PPM1E: variants seen among roughly 807,000 people sequenced by gnomAD.
PPM1E encodes the protein protein phosphatase 1E.
PPM1E carries 20 observed loss-of-function variants against 65.9 expected under a neutral mutation model. The observed-to-expected ratio is 0.30, with a 90% CI of 0.21 to 0.44. The LOEUF is 0.44. PPM1E is among the 20% of genes least tolerant of loss of function. The probability of loss-of-function intolerance (pLI) is 1.00; values close to 1 mark genes in which losing one functional copy is unlikely to be tolerated. For missense variants in PPM1E, 713 were observed against 953.1 expected (o/e 0.75, Z 3.32); for synonymous variants, 352 against 374.9 (o/e 0.94, Z 0.70).
intron 1 of PPM1E, among the ~76,000 whole-genome samples, chr17:58,942,689 G>A (rs1441402713): frequency 6.6e-6 from 1 of 152,064 alleles, no homozygotes; most frequent in East Asian, 1.9e-4. Context: ...GTGGGGGTAG[G>A]GGGAGGGATA....
At chr17:58,838,421 C>T (rs2050684564) in intron 1 of PPM1E, among the ~76,000 whole-genome samples, 1 of 152,120 alleles carries the variant, frequency 6.6e-6, no homozygotes, top group Admixed American at 6.5e-5. Flanking sequence ...CAAATAAACA[C>T]TAAAAAGACG....
At chr17:58,848,576 T>G (rs894095063) in intron 1 of PPM1E, among the ~76,000 whole-genome samples, 2 of 152,218 alleles carry the variant, frequency 1.3e-5, no homozygotes, top group African/African-American at 4.8e-5. Flanking sequence ...GGATTATGTT[T>G]ATTGATTTGC....
At chr17:58,759,817 A>G (rs1459980910) in intron 1 of PPM1E, among the ~76,000 whole-genome samples, 1 of 152,238 alleles carries the variant, frequency 6.6e-6, no homozygotes, top group Non-Finnish European at 1.5e-5. Flanking sequence ...AGACACTAAT[A>G]ATTCAGTTAC....
At chr17:58,824,010 G>T (rs913161900) in intron 1 of PPM1E, among the ~76,000 whole-genome samples, 1 of 152,150 alleles carries the variant, frequency 6.6e-6, no homozygotes, top group African/African-American at 2.4e-5. Flanking sequence ...AATTACAGGT[G>T]TGAGGCACCG....
intron 1 of PPM1E, among the ~76,000 whole-genome samples, chr17:58,793,128 G>C (rs1056229017): frequency 1.3e-5 from 2 of 151,746 alleles, no homozygotes; most frequent in African/African-American, 4.8e-5. Flanking sequence ...TATTCCATTT[G>C]AACTTGACTC....
At chr17:58,808,723 G>A (rs2050337998) in intron 1 of PPM1E, among the ~76,000 whole-genome samples, 1 of 152,068 alleles carries the variant, frequency 6.6e-6, no homozygotes, top group East Asian at 1.9e-4. Flanking sequence ...GTTGTGCAAT[G>A]ATCACTACAA....
chr17:58,927,122 C>CTT (rs533990179), intron 1 of PPM1E, among the ~76,000 whole-genome samples: 282 of 124,602 alleles, frequency 2.3e-3, no homozygotes, highest in Non-Finnish European at 2.7e-3. Context: ...GACTTTTAAA[C>CTT]TTTTTTTTTT....
intron 1 of PPM1E, among the ~76,000 whole-genome samples, chr17:58,885,125 C>T (rs780435516): frequency 6.6e-6 from 1 of 152,082 alleles, no homozygotes; most frequent in African/African-American, 2.4e-5. Context: ...GGCGTGATCT[C>T]GGCTCACTGC....
rs974116832 is a variant in PPM1E, at chr17:58,956,438, AAAAAAACAAAAAAC to A, written c.583+685_583+698del. On this transcript the variant is annotated intron_variant, in intron 2 of 6. Coordinates refer to ENST00000308249, the MANE Select transcript of PPM1E (RefSeq NM_014906.5). ...GAGAAAGAGTGAAACTCTGTCTCAAAAAAAAACAAAAAACAAAAAACAAAAAAAAAAACCTTAAC... is the reference window on the plus strand; with the variant it reads ...GAGAAAGAGTGAAACTCTGTCTCAAAAAAAAACAAAAAAAAAAACCTTAAC... 1.0e-3 allele frequency among the ~76,000 whole-genome samples: 132 copies of A among 128,188 alleles called. 1 individual carries two copies. The highest frequency in any genetic ancestry group is 3.6e-3 in the African/African-American group (129 of 35,422). The allele number at this position is 128,188 out of a possible 152,430, so 84.1% of individuals were successfully genotyped here.
intron 1 of PPM1E, among the ~76,000 whole-genome samples, chr17:58,842,560 T>G (rs1205610928): frequency 1.3e-5 from 2 of 152,246 alleles, no homozygotes; most frequent in African/African-American, 4.8e-5. Context: ...ATCCCAGCAC[T>G]TCGGGAGGCC....
intron 1 of PPM1E, among the ~76,000 whole-genome samples, chr17:58,869,529 C>T (rs942373274): frequency 5.9e-5 from 9 of 152,192 alleles, no homozygotes; most frequent in African/African-American, 2.2e-4. Flanking sequence ...GATCTCTGCA[C>T]ACCAGCTCCC....
In PPM1E at chr17:58,915,137, G is replaced by A. The variant is rs186247446; in HGVS notation, c.465-40512G>A. ...GGCAAGTCCACAGTGCAAAGAGAAA[G>A]CAAGTTTATTAAGAAAGTAAAGGAA... On this transcript the variant is annotated intron_variant, in intron 1 of 6. Coordinates refer to ENST00000308249, the MANE Select transcript of PPM1E (RefSeq NM_014906.5). 7.9e-5 allele frequency among the ~76,000 whole-genome samples: 12 copies of A among 152,310 alleles called. No homozygotes were observed. In the East Asian group the frequency reaches 2.3e-3, roughly 29 times the overall value.
chr17:58,852,804 G>A (rs796667804), intron 1 of PPM1E, among the ~76,000 whole-genome samples: 78 of 152,014 alleles, frequency 5.1e-4, no homozygotes, highest in Non-Finnish European at 1.8e-4. Context: ...GGGTTTCACC[G>A]TGTTGGCCAG....
intron 1 of PPM1E, among the ~76,000 whole-genome samples, chr17:58,793,630 A>G (rs2050177930): frequency 6.6e-6 from 1 of 152,116 alleles, no homozygotes; most frequent in African/African-American, 2.4e-5. Context: ...TGCTGGGATT[A>G]CAAGCATGAG....
intron 1 of PPM1E, among the ~76,000 whole-genome samples, chr17:58,892,411 C>CA (rs1431733628): frequency 1.3e-5 from 2 of 151,908 alleles, no homozygotes; most frequent in Admixed American, 6.6e-5. Context: ...CCCATCTCTA[C>CA]AAAAAATTTA....
intron 1 of PPM1E, among the ~76,000 whole-genome samples, chr17:58,842,006 C>T (rs1011616308): frequency 6.6e-5 from 10 of 152,048 alleles, no homozygotes; most frequent in Non-Finnish European, 1.2e-4. Flanking sequence ...TGTGCCTGGC[C>T]AATTTTTGTA....
rs549191102 is a variant in PPM1E at position 58,756,653 on chromosome 17, CCCCCACGCCCG to C, written c.464+195_464+205del. Among the ~76,000 whole-genome samples the C allele has an allele frequency of 5.1e-4, 11 of 21,684 alleles. No individual in the cohort carries two copies. The South Asian group carries it at 0.013, about 27-fold the overall frequency. The allele number at this position is 21,684 out of a possible 152,430, so 14.2% of individuals were successfully genotyped here. A position where few individuals can be genotyped will look rare whatever the true frequency, so the allele number is the denominator to read the frequency against. ...TGAGAGCTGCCCACGCCCGCCTCGG[CCCCCACGCCCG>C]CCTCGGCCCCCACGCCTCCTACCCG... is the stretch of plus-strand genomic sequence containing the variant. On this transcript the variant is annotated intron_variant, in intron 1 of 6. Coordinates refer to ENST00000308249, the MANE Select transcript of PPM1E (RefSeq NM_014906.5).
chr17:58,966,664 A>G (rs1030174515), intron 3 of PPM1E: 2 of 154,014 alleles, frequency 1.3e-5, no homozygotes, highest in African/African-American at 4.8e-5. Flanking sequence ...TGGCAGCTTA[A>G]TAACTATTTT....
chr17:58,805,961 C>CAAAAAAAAAAAAAAAAAAAAA (rs71367632), intron 1 of PPM1E, among the ~76,000 whole-genome samples: 3 of 69,766 alleles, frequency 4.3e-5, no homozygotes, highest in East Asian at 3.8e-4. Flanking sequence ...AAAAAAAAAA[C>CAAAAAAAAAAAAAAAAAAAAA]AAAAAAAAAA....
Sources: allele counts gnomAD v4.1 joint callset (sites outside exome capture counted in the v4.1 genomes callset), GRCh38; gene constraint gnomAD v4.1.1; transcripts MANE v1.5; gene names NCBI Gene and HGNC (gene_info 2026-07-23, HGNC 2026-07-21).